TCERG1: variants seen among roughly 807,000 people sequenced by gnomAD.
TCERG1 encodes the protein transcription elongation regulator 1.
A neutral mutation model predicts 144.7 loss-of-function variants in TCERG1; 37 were observed. The ratio of observed to expected loss-of-function variants is 0.26; its 90% CI spans 0.20 to 0.34. TCERG1 has a LOEUF of 0.34. Among genes scored for constraint, TCERG1 ranks in the 10% least tolerant of loss-of-function variants. The pLI is 1.00. For synonymous variants in TCERG1, 492 were observed against 458.2 expected (o/e 1.07, Z -0.94); for missense variants, 1,027 against 1,380.7 (o/e 0.74, Z 4.06).
chr5:146,453,864 C>T (rs10074885), intron 1 of TCERG1, among the ~76,000 whole-genome samples: 37,247 of 151,680 alleles, frequency 0.25, 5,682 homozygotes, highest in East Asian at 0.83. Flanking sequence ...TTATGGATAA[C>T]ATTGACATAT....
At chr5:146,476,645 G>A (rs1293097651) in intron 9 of TCERG1, among the ~76,000 whole-genome samples, 5 of 152,134 alleles carry the variant, frequency 3.3e-5, no homozygotes, top group African/African-American at 7.2e-5. Context: ...TGGTTTCTCT[G>A]TTTGAGTATT....
intron 15 of TCERG1, among the ~76,000 whole-genome samples, chr5:146,492,555 T>C (rs529640322): frequency 5.9e-5 from 9 of 152,320 alleles, no homozygotes; most frequent in African/African-American, 2.2e-4. Context: ...AAATAAAATA[T>C]ACTACAGATT....
At chr5:146,479,406 A>G (rs1486523800) in intron 10 of TCERG1, among the ~76,000 whole-genome samples, 1 of 152,176 alleles carries the variant, frequency 6.6e-6, no homozygotes, top group Non-Finnish European at 1.5e-5. Flanking sequence ...CGCTTTGCCT[A>G]TCTAGTGCTG....
chr5:146,466,722 A>G (rs1442150448), intron 5 of TCERG1, among the ~76,000 whole-genome samples: 1 of 152,228 alleles, frequency 6.6e-6, no homozygotes, highest in Non-Finnish European at 1.5e-5. Context: ...ACCTTTCTAT[A>G]TGGTCTGTAT....
At position 146,510,482 on chromosome 5, in the gene TCERG1, A is replaced by G. The variant is rs1561714234; in HGVS notation, c.3188A>G (p.Asp1063Gly). 6.2e-7 allele frequency: 1 copy of G among 1,614,012 alleles called. No homozygotes were observed. Among genetic ancestry groups the G allele is most frequent in the Non-Finnish European group, 8.5e-7 (1 of 1,180,014 alleles). ...LIQESDQHLK[D>G]VEKILQNDKR... ...CAAGAATCAGATCAGCACCTGAAAG[A>G]TGTAGAAAAAATTTTACAGAATGAC... Residue 1063 changes from aspartate to glycine, a missense_variant, in exon 23 of 23, where the codon GAT (aspartate) becomes GGT (glycine). By Grantham distance (94) the Asp-to-Gly change is moderately conservative. Around this residue, in one of 6 missense-constraint regions of TCERG1, gnomAD observed 133 missense variants for 283.2 expected, o/e 0.47. Coordinates refer to ENST00000679501, the MANE Select transcript of TCERG1 (RefSeq NM_001382548.1).
At chr5:146,453,823 C>A (rs1762563820) in intron 1 of TCERG1, among the ~76,000 whole-genome samples, 1 of 151,482 alleles carries the variant, frequency 6.6e-6, no homozygotes, top group Non-Finnish European at 1.5e-5. Flanking sequence ...CTTTTTTAAT[C>A]TGGAGCATTT....
chr5:146,493,625 A>G (rs762672706), intron 16 of TCERG1, among the ~76,000 whole-genome samples: 1 of 152,138 alleles, frequency 6.6e-6, no homozygotes, highest in African/African-American at 2.4e-5. Context: ...GACTGAAAGC[A>G]TATAATTTTA....
chr5:146,449,304 A>G (rs1402021772), intron 1 of TCERG1, among the ~76,000 whole-genome samples: 2 of 152,238 alleles, frequency 1.3e-5, no homozygotes, highest in African/African-American at 4.8e-5. Flanking sequence ...GTGCTACATG[A>G]CAGTTGCTGA....
At chr5:146,508,821 T>C (rs1768219768) in intron 21 of TCERG1, among the ~76,000 whole-genome samples, 1 of 152,188 alleles carries the variant, frequency 6.6e-6, no homozygotes, top group South Asian at 2.1e-4. Flanking sequence ...TATTTTTAAG[T>C]GTCCACCTCA....
chr5:146,472,280 T>TA (rs1308093752), intron 9 of TCERG1, among the ~76,000 whole-genome samples: 15 of 152,240 alleles, frequency 9.9e-5, no homozygotes, highest in Non-Finnish European at 2.1e-4. Flanking sequence ...GCTTCATAGA[T>TA]ACTGTGTTTT....
intron 16 of TCERG1, among the ~76,000 whole-genome samples, chr5:146,495,650 T>C (rs962703868): frequency 1.5e-4 from 23 of 152,218 alleles, no homozygotes; most frequent in African/African-American, 5.5e-4. Flanking sequence ...TAGCTGTGAG[T>C]GATACTCTTA....
chr5:146,498,075 T>C (rs1767095501), intron 16 of TCERG1, among the ~76,000 whole-genome samples: 1 of 151,964 alleles, frequency 6.6e-6, no homozygotes, highest in Non-Finnish European at 1.5e-5. Flanking sequence ...ATTTCCCTTC[T>C]TTCAGGCATT....
At chr5:146,471,620 A>G in intron 9 of TCERG1, 44 bp downstream of exon 9, 1 of 1,465,708 alleles carries the variant, frequency 6.8e-7, no homozygotes, top group Non-Finnish European at 9.4e-7. Flanking sequence ...TTTTTTTGAG[A>G]CGGAGTCTCA....
intron 4 of TCERG1, among the ~76,000 whole-genome samples, chr5:146,460,452 G>A (rs921544462): frequency 6.7e-6 from 1 of 149,408 alleles, no homozygotes; most frequent in Admixed American, 6.7e-5. Context: ...ATTTGTTATG[G>A]CACTTGTCTC....
intron 1 of TCERG1, among the ~76,000 whole-genome samples, chr5:146,454,094 C>T (rs1022693455): frequency 6.0e-5 from 9 of 151,194 alleles, no homozygotes; most frequent in African/African-American, 2.2e-4. Flanking sequence ...GCCTGTAGTC[C>T]CAGCTACTTG....
At chr5:146,461,718 A>G (rs907543226) in intron 4 of TCERG1, among the ~76,000 whole-genome samples, 4 of 152,256 alleles carry the variant, frequency 2.6e-5, no homozygotes, top group Admixed American at 2.6e-4. Flanking sequence ...GAATACTATA[A>G]TAATATTTAA....
intron 9 of TCERG1, among the ~76,000 whole-genome samples, chr5:146,476,002 C>CT (rs1363207482): frequency 6.6e-6 from 1 of 152,028 alleles, no homozygotes; most frequent in African/African-American, 2.4e-5. Flanking sequence ...CTTGCGCTAA[C>CT]TTTTTAGGTT....
chr5:146,473,839 C>T (rs1280112193), intron 9 of TCERG1, among the ~76,000 whole-genome samples: 3 of 152,150 alleles, frequency 2.0e-5, no homozygotes, highest in Admixed American at 2.0e-4. Context: ...TGTTCATTGA[C>T]AAAGCACCTC....
In TCERG1 at chr5:146,463,656, C is replaced by T; in HGVS notation, c.998C>T (p.Pro333Leu). Residue 333 changes from proline to leucine, a missense_variant, in exon 5 of 23, where the codon CCC (proline) becomes CTC (leucine). Pro to Leu is a moderately conservative substitution (Grantham distance 98, BLOSUM62 -3). This residue lies in a region of TCERG1 where 187 missense variants were observed against 169.1 expected (regional missense o/e 1.11). Coordinates refer to ENST00000679501, the MANE Select transcript of TCERG1 (RefSeq NM_001382548.1). ...ACAGCCACACCTGTGCAAACCGTTCCCCAGCCGCACCCTCAGACGTTACCT... is the reference window on the plus strand; with the variant it reads ...ACAGCCACACCTGTGCAAACCGTTCTCCAGCCGCACCCTCAGACGTTACCT... ...APTATPVQTVPQPHPQTLPPA... is the reference protein window; with the variant it reads ...APTATPVQTVLQPHPQTLPPA... The T allele has an allele frequency of 6.2e-7, 1 of 1,614,174 alleles. No homozygotes were observed.
Sources: gnomAD v4.1 joint callset for allele counts (sites outside exome capture counted in the v4.1 genomes callset) on GRCh38, gnomAD v4.1.1 for gene constraint, gnomAD v4.1.1 regional missense constraint, MANE v1.5 for transcripts, NCBI Gene and HGNC (gene_info 2026-07-23, HGNC 2026-07-21) for gene names.